The following ABCB1 variants were observed in gnomAD, a reference collection of about 807,000 sequenced individuals.
ABCB1 encodes the protein ATP-dependent translocase ABCB1.
Under a neutral mutation model 142.0 loss-of-function variants are expected in ABCB1, and 69 were observed. That is an observed-to-expected ratio of 0.49 (90% confidence interval 0.40 to 0.59). The LOEUF is 0.59. ABCB1 is among the 20% of genes least tolerant of loss of function. The probability of loss-of-function intolerance (pLI) is 0.00; values close to 1 mark genes in which losing one functional copy is unlikely to be tolerated. For missense variants in ABCB1, 1,326 were observed against 1,554.7 expected, an observed-to-expected ratio of 0.85 and a Z score of 2.47; for synonymous variants, 532 against 539.2, an observed-to-expected ratio of 0.99 and a Z score of 0.18.
chr7:87,670,504 CTTGT>C, intron 1 of ABCB1, among the ~76,000 whole-genome samples: 1 of 152,152 alleles, frequency 6.6e-6, no homozygotes, highest in South Asian at 2.1e-4. Context: ...ATTAAAAACT[CTTGT>C]TGGGGAATGG....
intron 1 of ABCB1, among the ~76,000 whole-genome samples, chr7:87,707,981 G>A (rs1187446625): frequency 6.6e-6 from 1 of 152,002 alleles, no homozygotes; most frequent in Non-Finnish European, 1.5e-5. Flanking sequence ...GGAAAGTACT[G>A]ATAATGAAAA....
chr7:87,543,282 C>T (rs6980101), intron 17 of ABCB1, among the ~76,000 whole-genome samples: 12,530 of 151,664 alleles, frequency 0.083, 1,079 homozygotes, highest in African/African-American at 0.21. Context: ...CGAGAGTGAG[C>T]GAGACTCAAA....
intron 1 of ABCB1, among the ~76,000 whole-genome samples, chr7:87,650,341 T>G (rs1420054039): frequency 6.6e-6 from 1 of 152,052 alleles, no homozygotes; most frequent in Non-Finnish European, 1.5e-5. Flanking sequence ...TTGCTCACAG[T>G]TCTGCAGGCT....
At chr7:87,625,632 G>C (rs1820388797) in intron 1 of ABCB1, among the ~76,000 whole-genome samples, 1 of 152,152 alleles carries the variant, frequency 6.6e-6, no homozygotes, top group African/African-American at 2.4e-5. Context: ...ATTTTGCTGA[G>C]ACTGCCTGCA....
intron 4 of ABCB1, among the ~76,000 whole-genome samples, chr7:87,576,163 T>A (rs1989831): frequency 0.67 from 101,109 of 151,784 alleles, 34,254 homozygotes; most frequent in East Asian, 0.93. Context: ...TTGATCTTTT[T>A]TTTTTTTGCT....
At chr7:87,681,669 CTGAT>C (rs574008638) in intron 1 of ABCB1, among the ~76,000 whole-genome samples, 18 of 150,466 alleles carry the variant, frequency 1.2e-4, no homozygotes, top group Admixed American at 3.3e-4. Context: ...TGGCTGCTGA[CTGAT>C]TGATGTGCTG....
intron 1 of ABCB1, among the ~76,000 whole-genome samples, chr7:87,668,203 G>A (rs762421497): frequency 4.6e-5 from 7 of 151,712 alleles, no homozygotes; most frequent in Non-Finnish European, 8.8e-5. Context: ...TTTCTTCCTG[G>A]CTCTGTCTTG....
chr7:87,675,854 A>T (rs1585070472), intron 1 of ABCB1, among the ~76,000 whole-genome samples: 1 of 152,164 alleles, frequency 6.6e-6, no homozygotes, highest in Admixed American at 6.5e-5. Context: ...CTTGGCAAAG[A>T]TATTTTTGGA....
Position 87,531,493 on chromosome 7 carries a change from A to C in ABCB1, c.2486T>G (p.Ile829Arg). The C allele has an allele frequency of 6.2e-7, 1 of 1,612,770 alleles. No individual in the cohort carries two copies. Among genetic ancestry groups the C allele is most frequent in the East Asian group, 2.2e-5 (1 of 44,784 alleles). Residue 829 changes from isoleucine to arginine, a missense_variant, in exon 21 of 28, where the codon ATA becomes AGA. Transcript: ENST00000622132. ...ANDAAQVKGA[I>R]GSRLAVITQN... ...GGTAATTACAGCAAGCCTGGAACCT[A>C]TAGCCTGCAAAACAAAACAAATTAG...
At chr7:87,611,550 A>ATT (rs59443388) in intron 1 of ABCB1, among the ~76,000 whole-genome samples, 1 of 145,610 alleles carries the variant, frequency 6.9e-6, no homozygotes, top group Non-Finnish European at 1.5e-5. Flanking sequence ...AAAGGACATG[A>ATT]TTTTTTTTTT....
chr7:87,550,605 T>A (rs781027802), intron 10 of ABCB1, 27 bp from the exon 11 acceptor site: 7 of 1,600,742 alleles, frequency 4.4e-6, no homozygotes, highest in Non-Finnish European at 6.0e-6. Context: ...TTTAAGAGAT[T>A]ACTAGGTTAC....
chr7:87,587,351 C>T (rs149208793), intron 3 of ABCB1, among the ~76,000 whole-genome samples: 88 of 152,306 alleles, frequency 5.8e-4, no homozygotes, highest in African/African-American at 2.0e-3. Context: ...TGAAAGTAGA[C>T]ATTTACTGAA....
At chr7:87,533,504 C>T (rs976992644) in intron 20 of ABCB1, among the ~76,000 whole-genome samples, 4 of 152,128 alleles carry the variant, frequency 2.6e-5, no homozygotes, top group African/African-American at 7.2e-5. Flanking sequence ...AAGTCTAAGA[C>T]CTTAAACTGC....
At chr7:87,516,445 T>A in intron 24 of ABCB1, 64 bp downstream of exon 24, 1 of 1,593,392 alleles carries the variant, frequency 6.3e-7, no homozygotes, top group South Asian at 1.1e-5. Context: ...TTATTAAGTT[T>A]CCACTTAAAA....
Position 87,503,642 on chromosome 7 carries a change from G to A in ABCB1, c.*601C>T, listed in dbSNP as rs1197636682. On this transcript the variant is annotated 3_prime_UTR_variant, in exon 28 of 28. Transcript: ENST00000622132. ...TTGAGAGCCACCTTAATGTGGAAAT[G>A]CAAGAATCAGCAGGATCAAGTCCAA... 1 of 157,046 alleles carries A rather than the reference G, an allele frequency of 6.4e-6. No individual in the cohort carries two copies. The highest frequency in any genetic ancestry group is 2.4e-5 in the African/African-American group (1 of 41,440). The allele number at this position is 157,046 out of a possible 1,614,324, so 9.7% of individuals were successfully genotyped here. A position where few individuals can be genotyped will look rare whatever the true frequency, so the allele number is the denominator to read the frequency against.
chr7:87,535,869 A>G (rs1324796845), intron 20 of ABCB1, among the ~76,000 whole-genome samples: 1 of 152,238 alleles, frequency 6.6e-6, no homozygotes, highest in Non-Finnish European at 1.5e-5. Flanking sequence ...AAACAGTTGT[A>G]GAAGAAATTG....
At chr7:87,700,565 G>A in intron 1 of ABCB1, 1 of 1,596,998 alleles carries the variant, frequency 6.3e-7, no homozygotes, top group East Asian at 2.2e-5. Context: ...GTAAGACATT[G>A]GTCAGAGACT....
At chr7:87,533,047 A>G (rs952809719) in intron 20 of ABCB1, among the ~76,000 whole-genome samples, 1 of 152,154 alleles carries the variant, frequency 6.6e-6, no homozygotes, top group Non-Finnish European at 1.5e-5. Context: ...GGTATCATAA[A>G]TAATAGAACA....
intron 1 of ABCB1, among the ~76,000 whole-genome samples, chr7:87,608,408 A>G (rs1185689652): frequency 6.6e-6 from 1 of 152,234 alleles, no homozygotes; most frequent in East Asian, 1.9e-4. Flanking sequence ...AAATCTGGCT[A>G]TAAAGTAATA....
Sources: allele counts gnomAD v4.1 joint callset (sites outside exome capture counted in the v4.1 genomes callset), GRCh38; gene constraint gnomAD v4.1.1; transcripts MANE v1.5; gene names NCBI Gene and HGNC (gene_info 2026-07-23, HGNC 2026-07-21).